CACNA1A: variants seen among roughly 807,000 people sequenced by gnomAD.
CACNA1A encodes calcium voltage-gated channel subunit alpha1 A, also known as voltage-dependent P/Q-type calcium channel subunit alpha-1A.
Under a neutral mutation model 262.4 loss-of-function variants are expected in CACNA1A, and 57 were observed. That is an observed-to-expected ratio of 0.22 (90% confidence interval 0.18 to 0.27). The LOEUF (loss-of-function observed/expected upper bound fraction) is 0.27. Among genes scored for constraint, CACNA1A ranks in the 10% least tolerant of loss-of-function variants. The pLI is 1.00. For synonymous variants in CACNA1A, 1,431 were observed against 1,419.3 expected (o/e 1.01, Z -0.18); for missense variants, 2,526 against 3,562.8 (o/e 0.71, Z 7.41).
rs2145140905 is a variant in CACNA1A at position 13,335,928 on chromosome 19, G to C, written c.979-19C>G. 4.7e-6 allele frequency: 7 copies of C among 1,477,024 alleles called. No individual in the cohort carries two copies. Among genetic ancestry groups the C allele is most frequent in the African/African-American group, 1.4e-5 (1 of 72,276 alleles). 91.5% of individuals were successfully genotyped at this position (1,477,024 alleles called of 1,614,324 possible). A position where few individuals can be genotyped will look rare whatever the true frequency, so the allele number is the denominator to read the frequency against. Reference sequence around the variant, plus strand: ...CGTTGCTCTGTAGGGTGTGAGGAGGGAAAGCAGGTGAGAGTTGACTGGGAC... The same window carrying C: ...CGTTGCTCTGTAGGGTGTGAGGAGGCAAAGCAGGTGAGAGTTGACTGGGAC... On this transcript the variant is annotated intron_variant, in intron 6 of 46. Coordinates refer to ENST00000360228, the MANE Select transcript of CACNA1A (RefSeq NM_001127222.2).
Position 13,479,864 on chromosome 19 carries a change from A to T in CACNA1A, c.294-24652T>A, listed in dbSNP as rs192896685. Among the ~76,000 whole-genome samples the T allele has an allele frequency of 4.7e-3, 710 of 152,372 alleles. 2 individuals are homozygous for T. The highest frequency in any genetic ancestry group is 6.9e-3 in the Non-Finnish European group (472 of 68,042). On this transcript the variant is annotated intron_variant, in intron 1 of 46. Coordinates refer to ENST00000360228, the MANE Select transcript of CACNA1A (RefSeq NM_001127222.2). ...AAGTAAAGCTAATATATAATAACAT[A>T]TACTATACCAGCCGTTGACAAACTC...
intron 4 of CACNA1A, among the ~76,000 whole-genome samples, chr19:13,369,482 C>T (rs959507871): frequency 4.6e-5 from 7 of 152,172 alleles, no homozygotes; most frequent in South Asian, 2.1e-4. Context: ...CCTAAGTATC[C>T]GCTTCAAGGG....
At chr19:13,363,310 C>T (rs2144511245) in intron 5 of CACNA1A, 2 of 86,940 alleles carry the variant, frequency 2.3e-5, no homozygotes, top group Non-Finnish European at 5.1e-5. Context: ...GCCCCATATT[C>T]ATTCTCTCTC....
chr19:13,350,156 C>G (rs1344105876), intron 6 of CACNA1A, among the ~76,000 whole-genome samples: 1 of 152,170 alleles, frequency 6.6e-6, no homozygotes, highest in Non-Finnish European at 1.5e-5. Flanking sequence ...GTAGGTTCAT[C>G]TTGAGGCCCA....
Position 13,275,832 on chromosome 19 carries a change from C to A in CACNA1A, c.3989+18G>T. 1 of 1,524,762 alleles carries A rather than the reference C, an allele frequency of 6.6e-7. No homozygotes were observed. The allele number at this position is 1,524,762 out of a possible 1,614,324, so 94.5% of individuals were successfully genotyped here. On this transcript the variant is annotated intron_variant, in intron 24 of 46. Coordinates refer to ENST00000360228, the MANE Select transcript of CACNA1A (RefSeq NM_001127222.2). ...TTGGGGGAAAAGAGGCAAGAGGAAC[C>A]CTTGCGAGGAGACTTACGTGAAGGC...
At chr19:13,268,414 G>A (rs984030181) in intron 24 of CACNA1A, among the ~76,000 whole-genome samples, 2 of 149,830 alleles carry the variant, frequency 1.3e-5, no homozygotes, top group Admixed American at 6.8e-5. Context: ...TTCCATCCAC[G>A]ACCCCTCTGG....
At chr19:13,478,145 A>G (rs757645259) in intron 1 of CACNA1A, among the ~76,000 whole-genome samples, 1 of 152,118 alleles carries the variant, frequency 6.6e-6, no homozygotes, top group Non-Finnish European at 1.5e-5. Context: ...TTCACTCTGG[A>G]AGTCGACAGT....
Position 13,208,879 on chromosome 19 carries a change from ATGG to A in CACNA1A, c.6654_6656del (p.His2219del), listed in dbSNP as rs759331923. ...AGCGGTCCTTGTCGGGGGGCGGGGG[ATGG>A]TGGTGGTGGTGGTGGTGGTGGTGGT... On this transcript the variant is annotated inframe_deletion, in exon 46 of 47. Transcript: ENST00000360228. The A allele has an allele frequency of 3.0e-4, 423 of 1,411,466 alleles. No individual in the cohort carries two copies. The highest frequency in any genetic ancestry group is 8.3e-4 in the Middle Eastern group (4 of 4,798). 87.4% of individuals were successfully genotyped at this position (1,411,466 alleles called of 1,614,324 possible). A position where few individuals can be genotyped will look rare whatever the true frequency, so the allele number is the denominator to read the frequency against.
chr19:13,281,628 A>G (rs2144862252), intron 22 of CACNA1A, among the ~76,000 whole-genome samples: 1 of 151,664 alleles, frequency 6.6e-6, no homozygotes, highest in South Asian at 2.1e-4. Flanking sequence ...ACAACCAAAA[A>G]TGTCTCCAGA....
At chr19:13,460,843 C>A (rs947732806) in intron 1 of CACNA1A, among the ~76,000 whole-genome samples, 1 of 152,134 alleles carries the variant, frequency 6.6e-6, no homozygotes, top group Non-Finnish European at 1.5e-5. Flanking sequence ...CATCCATCAA[C>A]CCCCTTAGCC....
intron 15 of CACNA1A, among the ~76,000 whole-genome samples, chr19:13,305,604 G>A (rs1470435150): frequency 6.6e-6 from 1 of 152,164 alleles, no homozygotes; most frequent in Non-Finnish European, 1.5e-5. Context: ...AGGATATTGA[G>A]CAGCATTCCT....
In CACNA1A at chr19:13,286,644, TG is replaced by T. The variant is rs746790849; in HGVS notation, c.3411del (p.Lys1138ArgfsTer48). The T allele has an allele frequency of 2.9e-6, 4 of 1,356,144 alleles. No individual in the cohort carries two copies. Among genetic ancestry groups the T allele is most frequent in the Non-Finnish European group, 9.7e-7 (1 of 1,034,520 alleles). The allele number at this position is 1,356,144 out of a possible 1,614,324, so 84.0% of individuals were successfully genotyped here. On this transcript the variant is annotated frameshift_variant, in exon 20 of 47. Transcript: ENST00000360228. LOFTEE classifies it high-confidence loss of function. Reference protein sequence around the residue: ...NPGNPSNPGPPKTPENSLIVT... With the variant: ...NPGNPSNPGPXKTPENSLIVT... ...ACGATAAGGCTATTCTCGGGGGTCT[TG>T]GGGGGGCCGGGATTGGATGGGTTCC...
rs766934604 is a variant in CACNA1A, at chr19:13,231,762, T to C, written c.5348A>G (p.Asn1783Ser). The C allele has an allele frequency of 4.3e-6, 7 of 1,613,848 alleles. No individual in the cohort carries two copies. Among genetic ancestry groups the C allele is most frequent in the Non-Finnish European group, 3.4e-6 (4 of 1,179,822 alleles). The change falls in exon 35 of 47, where the codon AAT (asparagine) becomes AGT (serine). Residue 1783 changes from asparagine (N) to serine (S), a missense_variant. Asn to Ser is a conservative substitution (Grantham distance 46). Coordinates refer to ENST00000360228, the MANE Select transcript of CACNA1A (RefSeq NM_001127222.2). The stretch of plus-strand genomic sequence containing the variant: ...AACAAAGTAAAAATAAGCAAATTCA[T>C]TGCCACACTCTCGAGTCAGGATGCC... ...NSGILTRECG[N>S]EFAYFYFVSF... is the part of the protein sequence containing the mutation.
chr19:13,264,878 T>C (rs1427144454), intron 24 of CACNA1A, among the ~76,000 whole-genome samples: 1 of 13,446 alleles, frequency 7.4e-5, no homozygotes, highest in Non-Finnish European at 2.6e-4. Flanking sequence ...CCCTTTAATC[T>C]TTTTTTTTTT....
intron 6 of CACNA1A, among the ~76,000 whole-genome samples, chr19:13,337,662 G>A (rs1010521511): frequency 1.3e-4 from 20 of 151,746 alleles, no homozygotes; most frequent in African/African-American, 4.8e-4. Flanking sequence ...ATAACACATG[G>A]TACAACTACT....
chr19:13,433,213 A>C (rs1406317740), intron 3 of CACNA1A, among the ~76,000 whole-genome samples: 1 of 151,468 alleles, frequency 6.6e-6, no homozygotes, highest in Non-Finnish European at 1.5e-5. Flanking sequence ...GAATGGCATG[A>C]ACCTGGGAGA....
intron 23 of CACNA1A, 100 bp from the exon 24 acceptor site, chr19:13,276,056 A>T: frequency 1.4e-6 from 1 of 705,914 alleles, no homozygotes; most frequent in Non-Finnish European, 2.5e-6. Flanking sequence ...CAGGGAAGCC[A>T]ATGAGGCCAC....
At chr19:13,460,232 C>T (rs1239382265) in intron 1 of CACNA1A, among the ~76,000 whole-genome samples, 5 of 152,238 alleles carry the variant, frequency 3.3e-5, no homozygotes, top group South Asian at 4.1e-4. Flanking sequence ...TTAAAAAGAT[C>T]GCCAGGGGAT....
chr19:13,268,262 G>A (rs1487536933), intron 24 of CACNA1A, among the ~76,000 whole-genome samples: 4 of 152,086 alleles, frequency 2.6e-5, no homozygotes, highest in Non-Finnish European at 2.9e-5. Flanking sequence ...TCAGCACCTA[G>A]CAGCTGGTCC....
Sources: allele counts gnomAD v4.1 joint callset (sites outside exome capture counted in the v4.1 genomes callset), GRCh38; gene constraint gnomAD v4.1.1; transcripts MANE v1.5; gene names NCBI Gene and HGNC (gene_info 2026-07-23, HGNC 2026-07-21).